Variants in DNER observed in about 807,000 individuals in gnomAD.
DNER encodes the protein delta and Notch-like epidermal growth factor-related receptor.
Under a neutral mutation model 78.2 loss-of-function variants are expected in DNER, and 33 were observed. The observed-to-expected ratio is 0.42, with a 90% CI of 0.32 to 0.56. DNER has a LOEUF of 0.56. Among genes scored for constraint, DNER ranks in the 20% least tolerant of loss-of-function variants. The probability of loss-of-function intolerance (pLI) is 0.11; values close to 1 mark genes in which losing one functional copy is unlikely to be tolerated. For missense variants in DNER, 918 were observed against 975.3 expected (o/e 0.94, Z 0.78); for synonymous variants, 417 against 384.8 (o/e 1.08, Z -0.98).
intron 11 of DNER, among the ~76,000 whole-genome samples, chr2:229,382,143 G>A (rs1225751080): frequency 5.9e-5 from 9 of 152,190 alleles, no homozygotes. Context: ...TGGACCTCCA[G>A]CAAACTCCAG....
chr2:229,509,720 C>T (rs537785021), intron 6 of DNER, among the ~76,000 whole-genome samples: 51 of 152,258 alleles, frequency 3.3e-4, no homozygotes, highest in African/African-American at 9.4e-4. Context: ...AGGGCTGAAG[C>T]AGGAGAATCT....
At chr2:229,511,627 T>C (rs913063134) in intron 6 of DNER, among the ~76,000 whole-genome samples, 1 of 152,228 alleles carries the variant, frequency 6.6e-6, no homozygotes, top group African/African-American at 2.4e-5. Context: ...AGGAAATTAA[T>C]ATAAACAAGA....
intron 1 of DNER, among the ~76,000 whole-genome samples, chr2:229,657,466 A>T (rs1413484486): frequency 6.6e-6 from 1 of 152,234 alleles, no homozygotes; most frequent in Non-Finnish European, 1.5e-5. Flanking sequence ...CAGATAAGCA[A>T]CATGGAAGTT....
At chr2:229,419,080 T>A (rs999083927) in intron 8 of DNER, among the ~76,000 whole-genome samples, 2 of 152,184 alleles carry the variant, frequency 1.3e-5, no homozygotes, top group Non-Finnish European at 2.9e-5. Context: ...TGTTTAAAGA[T>A]ATGATTATAT....
At chr2:229,519,872 C>G (rs923901636) in intron 5 of DNER, among the ~76,000 whole-genome samples, 37 of 152,312 alleles carry the variant, frequency 2.4e-4, no homozygotes, top group African/African-American at 8.4e-4. Context: ...TTCATCAGCT[C>G]TGCATTAGTG....
intron 5 of DNER, among the ~76,000 whole-genome samples, chr2:229,541,870 T>A (rs538086035): frequency 7.0e-6 from 1 of 143,022 alleles, no homozygotes; most frequent in African/African-American, 2.6e-5. Flanking sequence ...ATATAATTTA[T>A]ATTTATATTT....
At chr2:229,531,520 TTGTA>T (rs1336445092) in intron 5 of DNER, among the ~76,000 whole-genome samples, 1 of 152,182 alleles carries the variant, frequency 6.6e-6, no homozygotes, top group African/African-American at 2.4e-5. Context: ...TAACAAGTGT[TTGTA>T]TGTGGAGACA....
At chr2:229,558,750 G>A (rs1173016548) in intron 4 of DNER, among the ~76,000 whole-genome samples, 1 of 152,122 alleles carries the variant, frequency 6.6e-6, no homozygotes, top group Non-Finnish European at 1.5e-5. Flanking sequence ...GTTTGCCGAG[G>A]TCAAGGTAGG....
intron 7 of DNER, among the ~76,000 whole-genome samples, chr2:229,450,081 C>T (rs1296667055): frequency 6.6e-6 from 1 of 152,096 alleles, no homozygotes; most frequent in African/African-American, 2.4e-5. Context: ...TGCCTGGGCA[C>T]AGAAATCAAA....
chr2:229,374,247 A>G lies in DNER; in HGVS notation c.1856-7128T>C, dbSNP rs73096273. 7.1e-3 allele frequency among the ~76,000 whole-genome samples: 1,009 copies of G among 142,502 alleles called. 6 individuals carry two copies. Among genetic ancestry groups the G allele is most frequent in the African/African-American group, 0.026 (941 of 35,754 alleles). The allele number at this position is 142,502 out of a possible 152,430, so 93.5% of individuals were successfully genotyped here. A position where few individuals can be genotyped will look rare whatever the true frequency, so the allele number is the denominator to read the frequency against. On this transcript the variant is annotated intron_variant, in intron 11 of 12. Transcript: ENST00000341772. ...AGACATTAGGGACTACTAGGGAGTA[A>G]GGAAAGGAAGGGGGGAAATGGTTAA...
At chr2:229,394,308 G>A (rs1693083960) in intron 10 of DNER, among the ~76,000 whole-genome samples, 1 of 151,804 alleles carries the variant, frequency 6.6e-6, no homozygotes, top group Non-Finnish European at 1.5e-5. Flanking sequence ...ATAAGCCTTG[G>A]GTCCGAAGGG....
rs753892599 is a variant in DNER, at chr2:229,606,815, C to T, written c.277-14927G>A. 6.6e-5 allele frequency among the ~76,000 whole-genome samples: 10 copies of T among 152,082 alleles called. No homozygotes were observed. The South Asian group carries it at 8.3e-4, about 13-fold the overall frequency. ...GGCTGAGGCAGGAGAATCGCTTGAA[C>T]CCAGGAGGCGGAGGTTGCGGTGAGC... is the stretch of plus-strand genomic sequence containing the variant. On this transcript the variant is annotated intron_variant, in intron 1 of 12. Transcript: ENST00000341772.
At chr2:229,387,026 C>T (rs542460126) in intron 11 of DNER, among the ~76,000 whole-genome samples, 30 of 152,122 alleles carry the variant, frequency 2.0e-4, no homozygotes, top group African/African-American at 6.3e-4. Flanking sequence ...CACATGCACA[C>T]GTATGTTTAT....
At chr2:229,660,093 T>G (rs1047930629) in intron 1 of DNER, among the ~76,000 whole-genome samples, 4 of 152,178 alleles carry the variant, frequency 2.6e-5, no homozygotes, top group African/African-American at 9.7e-5. Context: ...CATTGACTTC[T>G]TTTAAGGAAA....
chr2:229,665,549 C>G (rs1445695746), intron 1 of DNER, among the ~76,000 whole-genome samples: 1 of 152,090 alleles, frequency 6.6e-6, no homozygotes, highest in African/African-American at 2.4e-5. Flanking sequence ...TCAACAGTGT[C>G]ATAAAAAAAC....
intron 1 of DNER, among the ~76,000 whole-genome samples, chr2:229,708,744 T>C (rs1699865950): frequency 6.6e-6 from 1 of 152,210 alleles, no homozygotes; most frequent in Admixed American, 6.5e-5. Flanking sequence ...GCAAAGAAGC[T>C]AAAGACAGGA....
intron 4 of DNER, among the ~76,000 whole-genome samples, chr2:229,557,895 A>ATAGATTATTC (rs1452522548): frequency 2.6e-5 from 4 of 152,194 alleles, no homozygotes; most frequent in Non-Finnish European, 5.9e-5. Flanking sequence ...CCAAAGAAAT[A>ATAGATTATTC]TAGATTATTC....
chr2:229,516,384 T>C (rs1695971068), intron 5 of DNER, among the ~76,000 whole-genome samples: 1 of 152,224 alleles, frequency 6.6e-6, no homozygotes, highest in Non-Finnish European at 1.5e-5. Flanking sequence ...GCCTGTGATA[T>C]CACTAATCAC....
Position 229,572,650 on chromosome 2 carries a change from G to A in DNER, c.847+13208C>T, listed in dbSNP as rs550678356. On this transcript the variant is annotated intron_variant, in intron 4 of 12. Coordinates refer to ENST00000341772, the MANE Select transcript of DNER (RefSeq NM_139072.4). Reference sequence around the variant, plus strand: ...TCAAAGGCTGAGACATTGGGAAGCAGACCTTGATAGTGGGAGAGAGAATTT... The same window carrying A: ...TCAAAGGCTGAGACATTGGGAAGCAAACCTTGATAGTGGGAGAGAGAATTT... 2.0e-3 allele frequency among the ~76,000 whole-genome samples: 299 copies of A among 152,282 alleles called. 1 individual carries two copies. The highest frequency in any genetic ancestry group is 2.5e-3 in the Non-Finnish European group (173 of 68,026).
Sources: allele counts gnomAD v4.1 joint callset (sites outside exome capture counted in the v4.1 genomes callset), GRCh38; gene constraint gnomAD v4.1.1; transcripts MANE v1.5; gene names NCBI Gene and HGNC (gene_info 2026-07-23, HGNC 2026-07-21).